The following WDFY4 variants were observed in gnomAD, a reference collection of about 807,000 sequenced individuals.
The protein encoded by WDFY4 is WDFY family member 4.
In WDFY4, 169 loss-of-function variants were observed where a neutral mutation model predicts 351.9. That is an observed-to-expected ratio of 0.48 (90% CI 0.42 to 0.55). WDFY4 has a LOEUF of 0.55. Among genes scored for constraint, WDFY4 ranks in the 20% least tolerant of loss-of-function variants. The probability of loss-of-function intolerance (pLI) is 0.00; values close to 1 mark genes in which losing one functional copy is unlikely to be tolerated. For synonymous variants in WDFY4, 1,622 were observed against 1,574.6 expected, an observed-to-expected ratio of 1.03 and a Z score of -0.71; for missense variants, 3,803 against 3,935.6, an observed-to-expected ratio of 0.97 and a Z score of 0.90.
At chr10:48,938,355 G>T (rs952631462) in intron 47 of WDFY4, among the ~76,000 whole-genome samples, 3 of 152,266 alleles carry the variant, frequency 2.0e-5, no homozygotes, top group African/African-American at 7.2e-5. Context: ...GATAGGCAGA[G>T]ACCCCAGACT....
intron 47 of WDFY4, among the ~76,000 whole-genome samples, chr10:48,918,227 C>T (rs1838728991): frequency 6.6e-6 from 1 of 152,254 alleles, no homozygotes; most frequent in Middle Eastern, 3.4e-3. Context: ...GAAACTCAAA[C>T]ATAGCAATAC....
Position 48,720,030 on chromosome 10 carries a change from G to T in WDFY4, c.254G>T (p.Gly85Val). 1.9e-6 allele frequency: 3 copies of T among 1,551,724 alleles called. No homozygotes were observed. Among genetic ancestry groups the T allele is most frequent in the Non-Finnish European group, 2.6e-6 (3 of 1,146,970 alleles). The change falls in exon 3 of 62, where the codon GGG (glycine) becomes GTG (valine). Residue 85 changes from glycine (G) to valine (V), a missense_variant. Around this residue, in one of 3 missense-constraint regions of WDFY4, gnomAD observed 488 missense variants for 456.8 expected, o/e 1.07. Transcript: ENST00000325239. ...LFLKAWEHSV[G>V]IICFPSLQRL... Reference sequence around the variant, plus strand: ...CTTCAGGCCTGGGAACACTCCGTGGGGATCATCTGCTTTCCCAGTCTCCAA... The same window carrying T: ...CTTCAGGCCTGGGAACACTCCGTGGTGATCATCTGCTTTCCCAGTCTCCAA...
rs1042522120 is a variant in WDFY4, at chr10:48,946,060, G to A, written c.7770G>A (p.Pro2590=). ...YTSETLNLAN[P]KIFRDLSKPM... ...TCTAGACATTGAACTTGGCAAATCC[G>A]AAGATTTTCCGGGATCTTTCAAAGC... The change falls in exon 50 of 62, where the codon CCG becomes CCA. Residue 2590 remains proline, a synonymous_variant. Coordinates refer to ENST00000325239, the MANE Select transcript of WDFY4 (RefSeq NM_001394531.1). 5 of 1,544,904 alleles carry A rather than the reference G, an allele frequency of 3.2e-6. No individual in the cohort carries two copies. Among genetic ancestry groups the A allele is most frequent in the Non-Finnish European group, 3.5e-6 (4 of 1,145,176 alleles).
intron 39 of WDFY4, among the ~76,000 whole-genome samples, chr10:48,850,283 A>G (rs2068914256): frequency 6.6e-6 from 1 of 152,214 alleles, no homozygotes; most frequent in Admixed American, 6.5e-5. Context: ...TTATCTACAT[A>G]TATAATTTAA....
chr10:48,850,369 T>C (rs916442464), intron 39 of WDFY4, among the ~76,000 whole-genome samples: 1 of 152,226 alleles, frequency 6.6e-6, no homozygotes, highest in Non-Finnish European at 1.5e-5. Flanking sequence ...TAGAGATTCA[T>C]TCATATTTAT....
At position 48,982,772 on chromosome 10, in the gene WDFY4, G is replaced by T. The variant is rs549137107; in HGVS notation, c.*197G>T. 27 of 621,016 alleles carry T rather than the reference G, an allele frequency of 4.3e-5. No individual in the cohort carries two copies. Among genetic ancestry groups the T allele is most frequent in the South Asian group, 3.6e-4 (24 of 65,942 alleles). 38.5% of individuals were successfully genotyped at this position (621,016 alleles called of 1,614,324 possible). A position where few individuals can be genotyped will look rare whatever the true frequency, so the allele number is the denominator to read the frequency against. On this transcript the variant is annotated 3_prime_UTR_variant, in exon 62 of 62. Transcript: ENST00000325239. The stretch of plus-strand genomic sequence containing the variant: ...GATGGGACTTCTATGAAAAGGATGA[G>T]CACACACACTCGGAGGGCTGAGCAG...
chr10:48,935,706 A>G (rs1294764023), intron 47 of WDFY4, among the ~76,000 whole-genome samples: 2 of 152,214 alleles, frequency 1.3e-5, no homozygotes, highest in African/African-American at 4.8e-5. Context: ...GAGTAGCTAC[A>G]ATACTCATAA....
intron 6 of WDFY4, among the ~76,000 whole-genome samples, chr10:48,727,115 A>G (rs2064296297): frequency 6.6e-6 from 1 of 152,034 alleles, no homozygotes; most frequent in East Asian, 1.9e-4. Flanking sequence ...CATCAAGGTA[A>G]TTTCTGCTCA....
chr10:48,687,225 G>A (rs1251087259), intron 1 of WDFY4, among the ~76,000 whole-genome samples: 5 of 151,890 alleles, frequency 3.3e-5, no homozygotes, highest in Admixed American at 3.3e-4. Flanking sequence ...CTATTGATTT[G>A]CCATAATTCA....
chr10:48,936,853 A>G (rs866432892), intron 47 of WDFY4, among the ~76,000 whole-genome samples: 1 of 149,228 alleles, frequency 6.7e-6, no homozygotes, highest in African/African-American at 2.5e-5. Flanking sequence ...AAAAAAAAAG[A>G]AAAAAAAAGA....
At chr10:48,979,529 A>G (rs893784639) in intron 60 of WDFY4, among the ~76,000 whole-genome samples, 6 of 152,046 alleles carry the variant, frequency 3.9e-5, no homozygotes, top group Non-Finnish European at 7.4e-5. Context: ...TGTCTGAGAA[A>G]GAATGCTGGA....
intron 12 of WDFY4, among the ~76,000 whole-genome samples, chr10:48,757,150 G>A (rs981834512): frequency 2.6e-5 from 4 of 152,222 alleles, no homozygotes; most frequent in African/African-American, 9.6e-5. Context: ...TTCTTGTTGA[G>A]TTTGGTAGTT....
intron 41 of WDFY4, 135 bp downstream of exon 41, chr10:48,873,832 A>G (rs1027939585): frequency 1.0e-6 from 1 of 967,100 alleles, no homozygotes; most frequent in Non-Finnish European, 1.5e-6. Flanking sequence ...GAGAGTCCCA[A>G]AATTTATTCT....
In WDFY4 at chr10:48,743,032, A is replaced by G; in HGVS notation, c.1943A>G (p.Asn648Ser). 1 of 1,551,546 alleles carries G rather than the reference A, an allele frequency of 6.4e-7. No homozygotes were observed. The highest frequency in any genetic ancestry group is 8.7e-7 in the Non-Finnish European group (1 of 1,146,976). Reference sequence around the variant, plus strand: ...GCCTTCAGAGTCTCCAGCGGGTTCAACGGGCTGCTGTCTCTGCTCTCTGAC... The same window carrying G: ...GCCTTCAGAGTCTCCAGCGGGTTCAGCGGGCTGCTGTCTCTGCTCTCTGAC... ...RAAFRVSSGFNGLLSLLSDLE... is the reference protein window; with the variant it reads ...RAAFRVSSGFSGLLSLLSDLE... The change falls in exon 12 of 62, where the codon AAC (asparagine) becomes AGC (serine). Residue 648 changes from asparagine to serine, a missense_variant. By Grantham distance (46) the Asn-to-Ser change is conservative (BLOSUM62 1). Around this residue, in one of 3 missense-constraint regions of WDFY4, gnomAD observed 261 missense variants for 330.2 expected, o/e 0.79. Transcript: ENST00000325239.
intron 10 of WDFY4, among the ~76,000 whole-genome samples, chr10:48,735,668 T>C (rs896451474): frequency 2.6e-5 from 4 of 152,226 alleles, no homozygotes; most frequent in African/African-American, 9.6e-5. Context: ...AAGCAGTTTT[T>C]TAAAAAAATC....
chr10:48,750,346 G>C (rs774305861), intron 12 of WDFY4, among the ~76,000 whole-genome samples: 10 of 152,234 alleles, frequency 6.6e-5, no homozygotes, highest in Non-Finnish European at 1.0e-4. Context: ...GGCATTGGGA[G>C]TGTGGGGCAC....
At chr10:48,926,105 C>A (rs974020928) in intron 47 of WDFY4, among the ~76,000 whole-genome samples, 1 of 152,202 alleles carries the variant, frequency 6.6e-6, no homozygotes, top group Non-Finnish European at 1.5e-5. Context: ...CCTGTGCTCC[C>A]CCAGTGGCAA....
intron 39 of WDFY4, among the ~76,000 whole-genome samples, chr10:48,834,413 T>A (rs1280575143): frequency 6.6e-6 from 1 of 152,256 alleles, no homozygotes; most frequent in Non-Finnish European, 1.5e-5. Context: ...CCACTGGGAA[T>A]ATGCTCTGTT....
chr10:48,832,540 C>T (rs1214209668), intron 38 of WDFY4, 33 bp from the exon 39 acceptor site: 50 of 1,510,644 alleles, frequency 3.3e-5, no homozygotes, highest in Non-Finnish European at 4.4e-5. Flanking sequence ...GCTCTCACTT[C>T]ACCTCTGACA....
Sources: allele counts gnomAD v4.1 joint callset (sites outside exome capture counted in the v4.1 genomes callset), GRCh38; gene constraint gnomAD v4.1.1; regional missense constraint gnomAD v4.1.1; transcripts MANE v1.5; gene names NCBI Gene and HGNC (gene_info 2026-07-23, HGNC 2026-07-21).